RIMS2: variants seen among roughly 807,000 people sequenced by gnomAD.
The protein encoded by RIMS2 is regulating synaptic membrane exocytosis protein 2.
A neutral mutation model predicts 174.4 loss-of-function variants in RIMS2; 59 were observed. The observed-to-expected ratio is 0.34, with a 90% CI of 0.27 to 0.42. RIMS2 has a LOEUF of 0.42. Among genes scored for constraint, RIMS2 ranks in the 10% least tolerant of loss-of-function variants. RIMS2 has a pLI of 1.00. For synonymous variants in RIMS2, 606 were observed against 572.5 expected (o/e 1.06, Z -0.84); for missense variants, 1,620 against 1,666.3 (o/e 0.97, Z 0.48).
intron 1 of RIMS2, among the ~76,000 whole-genome samples, chr8:103,575,378 A>G (rs2093139001): frequency 6.6e-6 from 1 of 152,140 alleles, no homozygotes; most frequent in South Asian, 2.1e-4. Flanking sequence ...AATGGGCAGT[A>G]TCTACCAAAG....
At chr8:104,013,452 G>A (rs369055191) in exon 18 of RIMS2, 2 of 1,613,508 alleles carry the variant, frequency 1.2e-6, no homozygotes, top group Non-Finnish European at 8.5e-7. Flanking sequence ...GGATTGTGAA[G>A]CAGCAGATAG....
intron 1 of RIMS2, among the ~76,000 whole-genome samples, chr8:103,546,211 GA>G (rs748349870): frequency 4.6e-5 from 7 of 151,914 alleles, no homozygotes; most frequent in East Asian, 1.9e-4. Flanking sequence ...ATGGAAAACA[GA>G]AAAAAACAGG....
intron 1 of RIMS2, chr8:103,559,326 C>A: frequency 4.6e-6 from 1 of 217,798 alleles, no homozygotes; most frequent in Non-Finnish European, 9.4e-6. Context: ...TTCTGCCTCC[C>A]CATAACTTCC....
chr8:103,792,768 G>A (rs942137593), intron 3 of RIMS2, among the ~76,000 whole-genome samples: 3 of 151,806 alleles, frequency 2.0e-5, no homozygotes, highest in African/African-American at 7.2e-5. Context: ...CAAACCCAAG[G>A]AAATACAAAC....
chr8:104,203,185 A>G (rs755379569), intron 19 of RIMS2, among the ~76,000 whole-genome samples: 53 of 152,172 alleles, frequency 3.5e-4, no homozygotes, highest in Non-Finnish European at 1.2e-4. Context: ...ATATCAAGTT[A>G]TTTTATCAGA....
At chr8:103,772,358 C>T (rs1408412570) in intron 3 of RIMS2, among the ~76,000 whole-genome samples, 1 of 151,748 alleles carries the variant, frequency 6.6e-6, no homozygotes, top group Non-Finnish European at 1.5e-5. Context: ...CAAGGAAAAA[C>T]TTATAAATGG....
At chr8:104,051,954 G>T (rs1360625439) in intron 19 of RIMS2, among the ~76,000 whole-genome samples, 1 of 152,104 alleles carries the variant, frequency 6.6e-6, no homozygotes, top group Non-Finnish European at 1.5e-5. Context: ...TTCTAAAATA[G>T]ATTTTAACTG....
chr8:103,885,198 A>G (rs2099192654), intron 3 of RIMS2, 100 bp from the exon 7 acceptor site: 1 of 1,430,498 alleles, frequency 7.0e-7, no homozygotes. Context: ...AAAAAGGCAA[A>G]AGGACTACTT....
At chr8:103,759,130 T>G (rs2098074365) in intron 2 of RIMS2, among the ~76,000 whole-genome samples, 1 of 152,162 alleles carries the variant, frequency 6.6e-6, no homozygotes, top group South Asian at 2.1e-4. Context: ...AGGACGAGGA[T>G]GCATTTTTGT....
chr8:103,889,049 A>G lies in RIMS2; in HGVS notation c.1624+2826A>G, dbSNP rs16870797. Among the ~76,000 whole-genome samples, 1,480 of 151,800 alleles carry G rather than the reference A, an allele frequency of 9.7e-3. 20 individuals carry two copies. The highest frequency in any genetic ancestry group is 0.047 in the East Asian group (241 of 5,142). On this transcript the variant is annotated intron_variant, in intron 4 of 23. Transcript: ENST00000504942. ...GTTGAGACACTGGGATATTATGGGA[A>G]AGAGATTGAGTTATGTCTTGACTTT...
At chr8:104,145,151 A>T (rs964488660) in intron 19 of RIMS2, among the ~76,000 whole-genome samples, 7 of 152,132 alleles carry the variant, frequency 4.6e-5, no homozygotes, top group African/African-American at 1.7e-4. Context: ...ATTATAATCA[A>T]TTGTGCAATA....
intron 1 of RIMS2, among the ~76,000 whole-genome samples, chr8:103,650,157 A>G (rs962261011): frequency 1.3e-5 from 2 of 151,938 alleles, no homozygotes; most frequent in Non-Finnish European, 2.9e-5. Context: ...TTTTCTTTTA[A>G]TAGTGATGGC....
chr8:103,756,866 T>C (rs547050499), intron 2 of RIMS2, among the ~76,000 whole-genome samples: 2 of 152,274 alleles, frequency 1.3e-5, no homozygotes, highest in East Asian at 3.9e-4. Flanking sequence ...TACTACTCAA[T>C]ATTTTGGCTG....
chr8:103,873,007 T>C (rs921376255), intron 3 of RIMS2, among the ~76,000 whole-genome samples: 10 of 152,206 alleles, frequency 6.6e-5, no homozygotes, highest in African/African-American at 2.4e-4. Context: ...TTGTCAACTT[T>C]CAGTTTAAGA....
At chr8:104,252,675 CT>C (rs1222362463), downstream of RIMS2, 1 of 152,090 alleles carries the variant, frequency 6.6e-6, no homozygotes, top group African/African-American at 2.4e-5. Context: ...TAATCATAGT[CT>C]GTGTTTTGGC....
At chr8:104,119,763 C>T (rs1041340685) in intron 19 of RIMS2, among the ~76,000 whole-genome samples, 1 of 152,166 alleles carries the variant, frequency 6.6e-6, no homozygotes, top group Non-Finnish European at 1.5e-5. Flanking sequence ...GGCCAATTTA[C>T]TATTCTTGCC....
chr8:103,824,578 A>G (rs2098774982), intron 3 of RIMS2, among the ~76,000 whole-genome samples: 1 of 152,160 alleles, frequency 6.6e-6, no homozygotes, highest in African/African-American at 2.4e-5. Context: ...AGGGCTCTTT[A>G]TTTTGCCTAG....
At chr8:103,607,243 T>C (rs181017817) in intron 1 of RIMS2, among the ~76,000 whole-genome samples, 16 of 152,304 alleles carry the variant, frequency 1.1e-4, no homozygotes, top group Admixed American at 5.9e-4. Context: ...AAGTATTTTA[T>C]TTCTCCTTCA....
At chr8:104,040,685 G>A (rs925680365) in intron 19 of RIMS2, among the ~76,000 whole-genome samples, 1 of 151,654 alleles carries the variant, frequency 6.6e-6, no homozygotes, top group African/African-American at 2.4e-5. Flanking sequence ...CTGAAATGAA[G>A]CCATGTATTT....
Sources: gnomAD v4.1 joint callset for allele counts (sites outside exome capture counted in the v4.1 genomes callset) on GRCh38, gnomAD v4.1.1 for gene constraint, MANE v1.5 for transcripts, NCBI Gene and HGNC (gene_info 2026-07-23, HGNC 2026-07-21) for gene names.